Variants in PGBD5 observed in about 807,000 individuals in gnomAD.
The protein encoded by PGBD5 is piggyBac transposable element derived 5.
PGBD5 carries 14 observed loss-of-function variants against 47.9 expected under a neutral mutation model. The observed-to-expected ratio is 0.29, with a 90% CI of 0.19 to 0.46. The LOEUF is 0.46. Ranked by LOEUF, PGBD5 falls within the 20% of genes least tolerant of loss-of-function variation. The pLI, the probability that PGBD5 is intolerant of heterozygous loss-of-function variation, is 1.00. For missense variants in PGBD5, 635 were observed against 716.0 expected (o/e 0.89, Z 1.29); for synonymous variants, 316 against 306.3 (o/e 1.03, Z -0.33).
At chr1:230,371,956 T>C (rs989851295) in intron 1 of PGBD5, among the ~76,000 whole-genome samples, 7 of 152,042 alleles carry the variant, frequency 4.6e-5, no homozygotes, top group African/African-American at 1.7e-4. Flanking sequence ...AGGAGGCTAG[T>C]TGGGAATGGA....
chr1:230,390,318 C>G (rs1656753773), intron 1 of PGBD5, among the ~76,000 whole-genome samples: 1 of 152,168 alleles, frequency 6.6e-6, no homozygotes, highest in African/African-American at 2.4e-5. Flanking sequence ...AGCCTTCCAT[C>G]AGAGCTGGTT....
chr1:230,362,256 T>A (rs1275513102), intron 1 of PGBD5: 2 of 1,363,104 alleles, frequency 1.5e-6, no homozygotes, highest in African/African-American at 3.0e-5. Flanking sequence ...TTTAGCTTCC[T>A]CTACCAGCTC....
chr1:230,411,367 C>G (rs190996173), intron 1 of PGBD5, among the ~76,000 whole-genome samples: 1 of 152,122 alleles, frequency 6.6e-6, no homozygotes, highest in Non-Finnish European at 1.5e-5. Flanking sequence ...AAAAAGCAAA[C>G]GCAGTAGAAA....
chr1:230,381,700 T>C (rs1656498352), intron 1 of PGBD5, among the ~76,000 whole-genome samples: 1 of 152,146 alleles, frequency 6.6e-6, no homozygotes, highest in Non-Finnish European at 1.5e-5. Flanking sequence ...CTAGTCCAAG[T>C]CCCAGCCACC....
At chr1:230,393,860 C>T (rs1656855434) in intron 1 of PGBD5, among the ~76,000 whole-genome samples, 1 of 151,834 alleles carries the variant, frequency 6.6e-6, no homozygotes, top group Non-Finnish European at 1.5e-5. Context: ...GGCCCGGGGC[C>T]CGCCAGTCCA....
Position 230,357,206 on chromosome 1 carries a change from G to T in PGBD5, c.447C>A (p.Phe149Leu). ...CTCCGTCGCTCCCAAACCGCTCCTG[G>T]AACTTCTTGGCATACATGTTTGTCT... Reference protein sequence around the residue: ...VVQTNMYAKKFQERFGSDGAW... With the variant: ...VVQTNMYAKKLQERFGSDGAW... Residue 149 changes from phenylalanine to leucine, a missense_variant, in exon 2 of 7, where the codon TTC (phenylalanine) becomes TTA (leucine). Transcript: ENST00000391860. This position sits in a 1 kb window ranked among gnomAD's most constrained non-coding sequence, Gnocchi z 5.7. 1 of 1,614,078 alleles carries T rather than the reference G, an allele frequency of 6.2e-7. No individual in the cohort carries two copies. Among genetic ancestry groups the T allele is most frequent in the Non-Finnish European group, 8.5e-7 (1 of 1,180,006 alleles).
chr1:230,423,408 C>T (rs151309655), intron 1 of PGBD5, among the ~76,000 whole-genome samples: 10 of 152,280 alleles, frequency 6.6e-5, no homozygotes, highest in African/African-American at 2.4e-4. Context: ...CTTGTCGTAG[C>T]GTTTTAGATA....
At chr1:230,366,900 T>C (rs1667844061) in intron 1 of PGBD5, among the ~76,000 whole-genome samples, 1 of 152,140 alleles carries the variant, frequency 6.6e-6, no homozygotes, top group African/African-American at 2.4e-5. Flanking sequence ...TATATTTCAT[T>C]TAGGCACTGT....
chr1:230,393,854 C>T (rs957232432), intron 1 of PGBD5, among the ~76,000 whole-genome samples: 1 of 151,378 alleles, frequency 6.6e-6, no homozygotes, highest in Non-Finnish European at 1.5e-5. Context: ...ATAATAGGCC[C>T]GGGGCCCGCC....
At chr1:230,351,180 A>T in intron 2 of PGBD5, 88 bp from the exon 3 acceptor site, 1 of 1,414,258 alleles carries the variant, frequency 7.1e-7, no homozygotes. Context: ...CAGCCTCTGC[A>T]TTTGAGCAGC....
intron 1 of PGBD5, among the ~76,000 whole-genome samples, chr1:230,420,557 C>A (rs530566105): frequency 6.6e-6 from 1 of 152,116 alleles, no homozygotes; most frequent in South Asian, 2.1e-4. Flanking sequence ...ATGCTGTTCT[C>A]GTGACAGTGA....
chr1:230,334,343 A>G (rs996680771), intron 4 of PGBD5, among the ~76,000 whole-genome samples: 3 of 152,056 alleles, frequency 2.0e-5, no homozygotes, highest in Non-Finnish European at 4.4e-5. Flanking sequence ...GATGACATGA[A>G]CCAGGGTAAG....
chr1:230,346,231 G>A (rs1308174091), intron 3 of PGBD5, among the ~76,000 whole-genome samples: 1 of 152,118 alleles, frequency 6.6e-6, no homozygotes, highest in Non-Finnish European at 1.5e-5. Context: ...TGTGGAGACA[G>A]GGTTTTGCCA....
At chr1:230,367,988 G>A (rs769411061) in intron 1 of PGBD5, 2 of 1,367,862 alleles carry the variant, frequency 1.5e-6, no homozygotes, top group Non-Finnish European at 2.0e-6. Context: ...GGACACCAAG[G>A]AGCTGGGGGT....
chr1:230,333,100 C>A, intron 4 of PGBD5, 59 bp from the exon 5 acceptor site: 1 of 1,521,808 alleles, frequency 6.6e-7, no homozygotes, highest in Non-Finnish European at 8.9e-7. Flanking sequence ...CCGGCGGCTC[C>A]TCCGCCCTGG....
intron 3 of PGBD5, 38 bp from the exon 4 acceptor site, chr1:230,337,326 C>A: frequency 6.5e-7 from 1 of 1,544,172 alleles, no homozygotes; most frequent in South Asian, 1.2e-5. Context: ...GTGCTCACAG[C>A]AGTGTCAGGC....
rs1205567084 is a variant in PGBD5 at position 230,403,960 on chromosome 1, AG to A, written c.331+21637del. On this transcript the variant is annotated intron_variant, in intron 1 of 6. Transcript: ENST00000391860. ...AGGATTCTACTGCAACATACAGAGGAGGAAAAAAAAAGATTTCCTGTAACTA... is the reference window on the plus strand; with the variant it reads ...AGGATTCTACTGCAACATACAGAGGAGAAAAAAAAAGATTTCCTGTAACTA... Among the ~76,000 whole-genome samples the A allele has an allele frequency of 1.4e-4, 21 of 152,298 alleles. No individual in the cohort carries two copies. The South Asian group carries it at 4.1e-3, about 30-fold the overall frequency.
At chr1:230,343,904 A>G (rs987048079) in intron 3 of PGBD5, among the ~76,000 whole-genome samples, 1 of 152,212 alleles carries the variant, frequency 6.6e-6, no homozygotes, top group African/African-American at 2.4e-5. Flanking sequence ...CCTACCAACA[A>G]TCAAGCTGGA....
chr1:230,385,936 A>G (rs1200809592), intron 1 of PGBD5, among the ~76,000 whole-genome samples: 1 of 152,216 alleles, frequency 6.6e-6, no homozygotes, highest in East Asian at 1.9e-4. Context: ...AATCTGAATC[A>G]GCATTTTAAC....
Sources: allele counts gnomAD v4.1 joint callset (sites outside exome capture counted in the v4.1 genomes callset), GRCh38; gene constraint gnomAD v4.1.1; non-coding constraint Gnocchi (gnomAD v3.1); transcripts MANE v1.5; gene names NCBI Gene and HGNC (gene_info 2026-07-23, HGNC 2026-07-21).